The following NDEL1 variants were observed in gnomAD, a reference collection of about 807,000 sequenced individuals.
The protein encoded by NDEL1 is nudE neurodevelopment protein 1 like 1, also known as nuclear distribution protein nudE-like 1.
NDEL1 carries 9 observed loss-of-function variants against 45.7 expected under a neutral mutation model. The observed-to-expected ratio is 0.20, with a 90% confidence interval of 0.12 to 0.34. The LOEUF (loss-of-function observed/expected upper bound fraction) is 0.34, where lower values mean the gene tolerates loss of function less well. NDEL1 is among the 10% of genes least tolerant of loss of function. The pLI, the probability that NDEL1 is intolerant of heterozygous loss-of-function variation, is 1.00. For synonymous variants in NDEL1, 133 were observed against 158.6 expected (o/e 0.84, Z 1.21); for missense variants, 306 against 406.2 (o/e 0.75, Z 2.12).
intron 1 of NDEL1, among the ~76,000 whole-genome samples, chr17:8,415,881 G>A (rs77940638): frequency 1.7e-4 from 26 of 152,210 alleles, no homozygotes; most frequent in East Asian, 1.2e-3. Flanking sequence ...CTGAGTAGCC[G>A]GGATTACAGG....
At chr17:8,463,352 T>A (rs1911351877) in intron 8 of NDEL1, 1 of 1,613,240 alleles carries the variant, frequency 6.2e-7, no homozygotes, top group Non-Finnish European at 8.5e-7. Flanking sequence ...ACGTTGTTCA[T>A]GGGTAACTGA....
intron 1 of NDEL1, among the ~76,000 whole-genome samples, chr17:8,414,645 C>T (rs1309670210): frequency 2.6e-5 from 4 of 151,820 alleles, no homozygotes; most frequent in Admixed American, 1.3e-4. Context: ...CTAGCCTGGA[C>T]GACAGAGCGA....
At chr17:8,466,780 A>G in intron 8 of NDEL1, 150 bp from the exon 9 acceptor site, 1 of 692,430 alleles carries the variant, frequency 1.4e-6, no homozygotes, top group Non-Finnish European at 2.4e-6. Context: ...GGTGCTTTCC[A>G]GGCAGCCAGT....
At chr17:8,435,346 G>A (rs1033628100), upstream of NDEL1, among the ~76,000 whole-genome samples, 2 of 152,208 alleles carry the variant, frequency 1.3e-5, no homozygotes, top group African/African-American at 2.4e-5. Flanking sequence ...CTGTTGGGAT[G>A]AGCAAGGCAT....
intron 1 of NDEL1, among the ~76,000 whole-genome samples, chr17:8,437,386 A>G (rs1597524012): frequency 2.0e-5 from 3 of 152,326 alleles, no homozygotes; most frequent in Middle Eastern, 3.4e-3. Flanking sequence ...AGTTGGATAA[A>G]GAGCTTAAAA....
At position 8,466,952 on chromosome 17, in the gene NDEL1, G is replaced by C. The variant is rs8080582; in HGVS notation, c.967G>C (p.Ala323Pro). ...CAGGGCAGTAAACGGCTTTGACCCC[G>C]CTCCTCCTCCTCCTGGTCTGGGCTC... ...DKGAVNGFDP[A>P]PPPPGLGSSR... The change falls in exon 9 of 9, where the codon GCT becomes CCT. Residue 323 changes from alanine (A) to proline (P), a missense_variant. By Grantham distance (27) the Ala-to-Pro change is conservative. This residue lies in a region of NDEL1 where 175 missense variants were observed against 205.2 expected (regional missense o/e 0.85). Coordinates refer to ENST00000334527, the MANE Select transcript of NDEL1 (RefSeq NM_030808.5). The C allele has an allele frequency of 1.2e-6, 2 of 1,614,102 alleles. No individual in the cohort carries two copies. The highest frequency in any genetic ancestry group is 1.7e-6 in the Non-Finnish European group (2 of 1,179,990).
intron 1 of NDEL1, among the ~76,000 whole-genome samples, chr17:8,421,671 T>C (rs930200599): frequency 3.3e-5 from 5 of 152,194 alleles, no homozygotes; most frequent in African/African-American, 1.2e-4. Flanking sequence ...TTGTGGTAAT[T>C]ATAGCAGCCA....
upstream of NDEL1, among the ~76,000 whole-genome samples, chr17:8,434,143 G>A (rs541758061): frequency 3.3e-5 from 5 of 152,326 alleles, no homozygotes; most frequent in South Asian, 2.1e-4. Context: ...ATTGCGTGCC[G>A]CATGGAGGCT....
downstream of NDEL1, among the ~76,000 whole-genome samples, chr17:8,469,764 C>T (rs532861679): frequency 4.7e-5 from 7 of 148,820 alleles, no homozygotes; most frequent in East Asian, 7.9e-4. Context: ...AGTGCAGTGG[C>T]GTGATCTTGG....
chr17:8,436,072 C>G (rs1909311457), intron 1 of NDEL1, 27 bp downstream of exon 1: 1 of 403,572 alleles, frequency 2.5e-6, no homozygotes, highest in Non-Finnish European at 4.9e-6. Flanking sequence ...GGGCCGCTCC[C>G]TAAGGGGCTG....
chr17:8,467,132 C>A lies in NDEL1; in HGVS notation c.*109C>A. 1 of 1,088,982 alleles carries A rather than the reference C, an allele frequency of 9.2e-7. No individual in the cohort carries two copies. The highest frequency in any genetic ancestry group is 1.4e-6 in the Non-Finnish European group (1 of 738,034). The allele number at this position is 1,088,982 out of a possible 1,614,324, so 67.5% of individuals were successfully genotyped here. A position where few individuals can be genotyped will look rare whatever the true frequency, so the allele number is the denominator to read the frequency against. The stretch of plus-strand genomic sequence containing the variant: ...CCCCGTGCCCCTCCGTCTGCCTCCG[C>A]ACGGCTGGCAGAGGGCAGGCTGCAT... On this transcript the variant is annotated 3_prime_UTR_variant, in exon 9 of 9. Transcript: ENST00000334527. This position sits in a 1 kb window ranked among gnomAD's most constrained non-coding sequence, Gnocchi z 6.3.
chr17:8,418,634 C>CTTCCTTCCTTCT (rs1323304381), intron 1 of NDEL1, among the ~76,000 whole-genome samples: 1 of 151,252 alleles, frequency 6.6e-6, no homozygotes, highest in East Asian at 1.9e-4. Flanking sequence ...TGCTTCCTTC[C>CTTCCTTCCTTCT]TTCCTTCCTT....
rs1026819358 is a variant in NDEL1, at chr17:8,437,638, G to C, written c.-13+1593G>C. 3.3e-5 allele frequency among the ~76,000 whole-genome samples: 5 copies of C among 152,180 alleles called. 1 individual carries two copies. Among genetic ancestry groups the C allele is most frequent in the Admixed American group, 3.3e-4 (5 of 15,276 alleles). On this transcript the variant is annotated intron_variant, in intron 1 of 8. Transcript: ENST00000334527. ...TCTGTAAATGTCACCTTTGAGAGTA[G>C]TAGAATTTCAGTAAAAAGGCATATA...
intron 1 of NDEL1, among the ~76,000 whole-genome samples, chr17:8,439,942 A>G (rs1327945261): frequency 6.6e-6 from 1 of 152,218 alleles, no homozygotes; most frequent in East Asian, 1.9e-4. Context: ...TAGTGAGTAG[A>G]TGCATCAGTA....
chr17:8,468,237 C>T (rs1309394122), downstream of NDEL1: 1 of 152,262 alleles, frequency 6.6e-6, no homozygotes, highest in Admixed American at 6.5e-5. Flanking sequence ...GTTCCAACGT[C>T]ACTGCTGCTC....
intron 3 of NDEL1, among the ~76,000 whole-genome samples, chr17:8,446,390 G>A (rs1307106955): frequency 6.6e-6 from 1 of 152,172 alleles, no homozygotes; most frequent in Non-Finnish European, 1.5e-5. Context: ...TGGGTTCTGG[G>A]AAGGTTGGAT....
chr17:8,432,313 A>ATT (rs1381963964), upstream of NDEL1: 5 of 126,358 alleles, frequency 4.0e-5, no homozygotes, highest in African/African-American at 8.4e-5. Context: ...AGATATATAT[A>ATT]TATATTTATA....
intron 8 of NDEL1, 43 bp downstream of exon 8, chr17:8,460,203 A>G: frequency 6.3e-7 from 1 of 1,587,588 alleles, no homozygotes; most frequent in East Asian, 2.3e-5. Context: ...TGAGTAGTAA[A>G]GTGACAGGTT....
chr17:8,469,861 A>ATTTTTTTTTTTTTTTTTTTTTT (rs762773754), downstream of NDEL1, among the ~76,000 whole-genome samples: 1 of 128,652 alleles, frequency 7.8e-6, no homozygotes. Context: ...TGCCTGGCTA[A>ATTTTTTTTTTTTTTTTTTTTTT]TTTTTTTTTT....
Sources: allele counts gnomAD v4.1 joint callset (sites outside exome capture counted in the v4.1 genomes callset), GRCh38; gene constraint gnomAD v4.1.1; regional missense constraint gnomAD v4.1.1; non-coding constraint Gnocchi (gnomAD v3.1); transcripts MANE v1.5; gene names NCBI Gene and HGNC (gene_info 2026-07-23, HGNC 2026-07-21).